TACC2: variants seen among roughly 807,000 people sequenced by gnomAD.
TACC2 encodes the protein transforming acidic coiled-coil containing protein 2.
TACC2 carries 137 observed loss-of-function variants against 227.3 expected under a neutral mutation model. The observed-to-expected ratio is 0.60, with a 90% confidence interval of 0.52 to 0.69. The LOEUF (loss-of-function observed/expected upper bound fraction) is 0.69. Ranked by LOEUF, TACC2 falls within the 30% of genes least tolerant of loss-of-function variation. TACC2 has a pLI of 0.00. For synonymous variants in TACC2, 1,523 were observed against 1,487.5 expected, an observed-to-expected ratio of 1.02 and a Z score of -0.55; for missense variants, 3,470 against 3,694.4, an observed-to-expected ratio of 0.94 and a Z score of 1.57.
chr10:122,210,781 G>T lies in TACC2; in HGVS notation c.6356G>T (p.Ser2119Ile). 6.2e-7 allele frequency: 1 copy of T among 1,613,824 alleles called. No individual in the cohort carries two copies. Among genetic ancestry groups the T allele is most frequent in the Non-Finnish European group, 8.5e-7 (1 of 1,180,028 alleles). ...APDAYSTGSS[S>I]ASSTLKRTKK... ...GATGCATATAGCACGGGTTCCAGCAGTGCTTCTAGTACCCTTAAGCGAACT... is the reference window on the plus strand; with the variant it reads ...GATGCATATAGCACGGGTTCCAGCATTGCTTCTAGTACCCTTAAGCGAACT... The change falls in exon 9 of 23, where the codon AGT becomes ATT. Residue 2119 changes from serine to isoleucine, a missense_variant. Physicochemically the swap from Ser to Ile is moderately radical, Grantham distance 142. Around this residue, in one of 10 missense-constraint regions of TACC2, gnomAD observed 593 missense variants for 636.6 expected, o/e 0.93. Transcript: ENST00000369005. The surrounding 1 kb of genome is among the most constrained non-coding windows in gnomAD (Gnocchi z 4.6).
intron 8 of TACC2, among the ~76,000 whole-genome samples, chr10:122,203,405 TGGGCGGGC>T (rs1330531343): frequency 1.3e-3 from 186 of 140,856 alleles, no homozygotes; most frequent in Non-Finnish European, 2.3e-3. Context: ...GGCGGCTGGC[TGGGCGGGC>T]GGCTGACCCC....
chr10:122,196,779 A>T (rs1039870256), intron 8 of TACC2, among the ~76,000 whole-genome samples: 1 of 152,024 alleles, frequency 6.6e-6, no homozygotes, highest in Non-Finnish European at 1.5e-5. Flanking sequence ...CGTTAAAAAT[A>T]CAAAAAATTA....
chr10:122,241,574 C>G lies in TACC2; in HGVS notation c.8349-384C>G, dbSNP rs73357673. 6.4e-3 allele frequency: 1,469 copies of G among 231,096 alleles called. 13 individuals carry two copies. The highest frequency in any genetic ancestry group is 0.028 in the African/African-American group (1,258 of 45,076). 14.3% of individuals were successfully genotyped at this position (231,096 alleles called of 1,614,324 possible). On this transcript the variant is annotated intron_variant, in intron 18 of 22. Coordinates refer to ENST00000369005, the MANE Select transcript of TACC2 (RefSeq NM_206862.4). ...TTGAGTAGGTAGGACTACAGGTGCA[C>G]ACCACTATGCCTTATTAATTTTTTT... is the stretch of plus-strand genomic sequence containing the variant.
At chr10:121,999,852 G>T (rs1954055787) in intron 1 of TACC2, among the ~76,000 whole-genome samples, 1 of 152,240 alleles carries the variant, frequency 6.6e-6, no homozygotes, top group African/African-American at 2.4e-5. Flanking sequence ...GCTTCGGTCA[G>T]ATGGGTAGAT....
chr10:122,230,273 T>C, intron 15 of TACC2, 78 bp from the exon 16 acceptor site: 1 of 1,269,168 alleles, frequency 7.9e-7, no homozygotes, highest in South Asian at 1.2e-5. Flanking sequence ...CGTGGCACGT[T>C]CATTTCTCGG....
chr10:122,050,257 C>T lies in TACC2; in HGVS notation c.34-181C>T, dbSNP rs144257004. On this transcript the variant is annotated intron_variant, in intron 2 of 22. Transcript: ENST00000369005. The surrounding 1 kb of genome is among the most constrained non-coding windows in gnomAD (Gnocchi z 4.6). Reference sequence around the variant, plus strand: ...ATGAGAGCAGCAGCCACCTTTGCTTCGCTGCCATATATCCTCAAGGCCTAG... The same window carrying T: ...ATGAGAGCAGCAGCCACCTTTGCTTTGCTGCCATATATCCTCAAGGCCTAG... 0.013 allele frequency among the ~76,000 whole-genome samples: 1,971 copies of T among 152,262 alleles called. 14 individuals carry two copies. Among genetic ancestry groups the T allele is most frequent in the Non-Finnish European group, 0.016 (1,085 of 68,024 alleles).
chr10:122,013,073 T>A (rs1956147351), intron 1 of TACC2, among the ~76,000 whole-genome samples: 1 of 152,172 alleles, frequency 6.6e-6, no homozygotes, highest in South Asian at 2.1e-4. Flanking sequence ...AAGCAGTAAC[T>A]AATAACCGGC....
intron 7 of TACC2, among the ~76,000 whole-genome samples, chr10:122,144,478 C>A (rs965811642): frequency 1.1e-4 from 17 of 152,120 alleles, no homozygotes; most frequent in African/African-American, 4.1e-4. Flanking sequence ...TGTAGAGAGC[C>A]AAATGCATCT....
rs1461935934 is a variant in TACC2 at position 122,085,957 on chromosome 10, G to A, written c.3457G>A (p.Ala1153Thr). The A allele has an allele frequency of 6.2e-7, 1 of 1,613,770 alleles. No homozygotes were observed. The highest frequency in any genetic ancestry group is 1.7e-5 in the Admixed American group (1 of 59,992). Residue 1153 changes from alanine (A) to threonine (T), a missense_variant, in exon 4 of 23, where the codon GCT becomes ACT. Transcript: ENST00000369005. ...GCAGGCTCCGGAGAAACCTGGAGAA[G>A]CTACTTTGAGTTGTGGCCTCCTTCA... is the stretch of plus-strand genomic sequence containing the variant. ...KQQAPEKPGEATLSCGLLQTE... is the reference protein window; with the variant it reads ...KQQAPEKPGETTLSCGLLQTE...
At chr10:122,042,462 C>T (rs11200365) in intron 2 of TACC2, among the ~76,000 whole-genome samples, 52,086 of 151,878 alleles carry the variant, frequency 0.34, 9,565 homozygotes, top group South Asian at 0.42. Context: ...AGGCTGGTCT[C>T]GAACTCCTGA....
At chr10:122,137,040 C>T (rs931621627) in intron 6 of TACC2, among the ~76,000 whole-genome samples, 6 of 152,002 alleles carry the variant, frequency 3.9e-5, no homozygotes, top group African/African-American at 1.4e-4. Context: ...AAAGAAGGCA[C>T]CTCTATCTCT....
At chr10:122,218,686 T>C (rs915312372) in intron 11 of TACC2, among the ~76,000 whole-genome samples, 2 of 152,176 alleles carry the variant, frequency 1.3e-5, no homozygotes, top group African/African-American at 4.8e-5. Context: ...GGCTGTCAGG[T>C]TGGCCCTCTG....
rs1219898335 is a variant in TACC2, at chr10:122,254,198, G to C, written c.*142G>C. 1 of 757,108 alleles carries C rather than the reference G, an allele frequency of 1.3e-6. No individual in the cohort carries two copies. The highest frequency in any genetic ancestry group is 2.4e-6 in the Non-Finnish European group (1 of 419,710). 46.9% of individuals were successfully genotyped at this position (757,108 alleles called of 1,614,324 possible). On this transcript the variant is annotated 3_prime_UTR_variant, in exon 23 of 23. Coordinates refer to ENST00000369005, the MANE Select transcript of TACC2 (RefSeq NM_206862.4). ...TTTCCTTTCTAAATAAAATTGATTT[G>C]ATTGTATGCAGTACTAAGGAGACTA... is the stretch of plus-strand genomic sequence containing the variant.
At chr10:122,248,862 G>A in intron 20 of TACC2, 59 bp downstream of exon 20, 1 of 1,601,426 alleles carries the variant, frequency 6.2e-7, no homozygotes, top group Non-Finnish European at 8.5e-7. Context: ...GATTGTGGGA[G>A]CACTGGGAGG....
intron 3 of TACC2, among the ~76,000 whole-genome samples, chr10:122,057,197 T>C (rs2076292701): frequency 6.6e-6 from 1 of 151,702 alleles, no homozygotes; most frequent in Non-Finnish European, 1.5e-5. Context: ...GTCTCAAACA[T>C]AAAATAAAAA....
At chr10:122,146,331 C>T (rs2091370727) in intron 7 of TACC2, among the ~76,000 whole-genome samples, 1 of 151,940 alleles carries the variant, frequency 6.6e-6, no homozygotes, top group Non-Finnish European at 1.5e-5. Context: ...ATTATAATAA[C>T]TAAAGTCTAT....
chr10:122,202,969 G>A (rs2140863120), intron 8 of TACC2, among the ~76,000 whole-genome samples: 1 of 151,572 alleles, frequency 6.6e-6, no homozygotes, highest in South Asian at 2.1e-4. Context: ...AGAGCACAGG[G>A]TTGGGGGTAA....
rs780436891 is a variant in TACC2, at chr10:122,248,714, C to T, written c.8464C>T (p.Leu2822=). 1.2e-6 allele frequency: 2 copies of T among 1,614,122 alleles called. No homozygotes were observed. The highest frequency in any genetic ancestry group is 1.7e-6 in the Non-Finnish European group (2 of 1,180,044). The change falls in exon 20 of 23, where the codon CTG becomes TTG. Residue 2822 remains leucine, a synonymous_variant. Coordinates refer to ENST00000369005, the MANE Select transcript of TACC2 (RefSeq NM_206862.4). The part of the protein sequence containing the change: ...QQLVLEKEQA[L]ADLNSVEKSL... ...GCTGGTTCTGGAGAAGGAGCAAGCC[C>T]TGGCCGACCTGAACTCCGTGGAGAA...
Position 122,041,636 on chromosome 10 carries a change from AG to A in TACC2, c.34-8799del, listed in dbSNP as rs763899389. Reference sequence around the variant, plus strand: ...TACTTTTTTGTATTTTAGTGGAGACAGGGTTTCACCGTGTTGCCCAGGCCAG... The same window carrying A: ...TACTTTTTTGTATTTTAGTGGAGACAGGTTTCACCGTGTTGCCCAGGCCAG... On this transcript the variant is annotated intron_variant, in intron 2 of 22. Coordinates refer to ENST00000369005, the MANE Select transcript of TACC2 (RefSeq NM_206862.4). 3.9e-4 allele frequency among the ~76,000 whole-genome samples: 59 copies of A among 152,198 alleles called. 1 individual carries two copies. The highest frequency in any genetic ancestry group is 6.9e-4 in the Non-Finnish European group (47 of 67,992).
Sources: gnomAD v4.1 joint callset for allele counts (sites outside exome capture counted in the v4.1 genomes callset) on GRCh38, gnomAD v4.1.1 for gene constraint, gnomAD v4.1.1 regional missense constraint, Gnocchi (gnomAD v3.1) non-coding constraint, MANE v1.5 for transcripts, NCBI Gene and HGNC (gene_info 2026-07-23, HGNC 2026-07-21) for gene names.